Variants in FRRS1 observed in about 807,000 individuals in gnomAD.
FRRS1 encodes ferric chelate reductase 1.
Under a neutral mutation model 70.7 loss-of-function variants are expected in FRRS1, and 51 were observed. That is an observed-to-expected ratio of 0.72 (90% CI 0.58 to 0.91). FRRS1 has a LOEUF of 0.91. Among genes scored for constraint, FRRS1 ranks in the 40% least tolerant of loss-of-function variants. The pLI is 0.00. For missense variants in FRRS1, 672 were observed against 726.0 expected, an observed-to-expected ratio of 0.93 and a Z score of 0.86; for synonymous variants, 225 against 238.7, an observed-to-expected ratio of 0.94 and a Z score of 0.53.
intron 2 of FRRS1, 57 bp downstream of exon 2, chr1:99,748,840 C>A: frequency 9.2e-7 from 1 of 1,086,736 alleles, no homozygotes; most frequent in East Asian, 2.5e-5. Flanking sequence ...ACAACTGGAC[C>A]ATAATTCTAG....
Position 99,738,072 on chromosome 1 carries a change from T to C in FRRS1, c.759+14A>G. 6.3e-7 allele frequency: 1 copy of C among 1,589,840 alleles called. No homozygotes were observed. Among genetic ancestry groups the C allele is most frequent in the South Asian group, 1.1e-5 (1 of 88,298 alleles). Reference sequence around the variant, plus strand: ...CTCCTTTTGTTACCACTTATGTAAGTGAGAGGTACCAACCATCCACTGATC... The same window carrying C: ...CTCCTTTTGTTACCACTTATGTAAGCGAGAGGTACCAACCATCCACTGATC... On this transcript the variant is annotated intron_variant, in intron 7 of 16. Coordinates refer to ENST00000646001, the MANE Select transcript of FRRS1 (RefSeq NM_001361041.2).
At chr1:99,711,229 T>C (rs1190555899) in intron 14 of FRRS1, 1 of 380,444 alleles carries the variant, frequency 2.6e-6, no homozygotes, top group East Asian at 4.8e-5. Flanking sequence ...ATCACCCAAG[T>C]GGTGAACATA....
rs974207950 is a variant in FRRS1, at chr1:99,728,243, A to C, written c.1006+250T>G. Among the ~76,000 whole-genome samples, 5 of 152,028 alleles carry C rather than the reference A, an allele frequency of 3.3e-5. No individual in the cohort carries two copies. In the East Asian group the frequency reaches 9.6e-4, roughly 29 times the overall value. The stretch of plus-strand genomic sequence containing the variant: ...AGGTATTTATAGTTCTTCTGGTCAC[A>C]TGCATTTTACTAATCAGAAGCCATT... On this transcript the variant is annotated intron_variant, in intron 9 of 16. Transcript: ENST00000646001.
chr1:99,741,450 T>A (rs1320402306), intron 5 of FRRS1, among the ~76,000 whole-genome samples: 1 of 152,192 alleles, frequency 6.6e-6, no homozygotes, highest in Non-Finnish European at 1.5e-5. Context: ...ACGCACAAAG[T>A]GAAGAAAACA....
In FRRS1 at chr1:99,737,983, C is replaced by T. The variant is rs182707926; in HGVS notation, c.759+103G>A. The T allele has an allele frequency of 1.3e-5, 12 of 891,184 alleles. No homozygotes were observed. The East Asian group carries it at 2.1e-4, about 16-fold the overall frequency. 55.2% of individuals were successfully genotyped at this position (891,184 alleles called of 1,614,324 possible). On this transcript the variant is annotated intron_variant, in intron 7 of 16. Transcript: ENST00000646001. ...GTCTTGAACTCCCGACCTCGTGATC[C>T]ACCTGCCTCGGCCTCCCAAAGTGCT...
At position 99,707,154 on chromosome 1, in the gene FRRS1, A is replaced by G. The variant is rs191062007; in HGVS notation, c.*1874T>C. ...ATGATAAACACCTATAAAAGGAACA[A>G]AAACTAAACTTCCACATTATTTTAC... On this transcript the variant is annotated 3_prime_UTR_variant, in exon 17 of 17. Transcript: ENST00000646001. 3.9e-5 allele frequency among the ~76,000 whole-genome samples: 6 copies of G among 152,284 alleles called. No homozygotes were observed. The highest frequency in any genetic ancestry group is 7.4e-5 in the Non-Finnish European group (5 of 68,018).
intron 4 of FRRS1, among the ~76,000 whole-genome samples, chr1:99,742,484 T>C (rs1230436982): frequency 6.6e-6 from 1 of 152,048 alleles, no homozygotes; most frequent in East Asian, 1.9e-4. Flanking sequence ...TAAATGAGAG[T>C]CCACAGAAAT....
At chr1:99,718,895 C>T (rs1348135377) in intron 10 of FRRS1, among the ~76,000 whole-genome samples, 2 of 152,068 alleles carry the variant, frequency 1.3e-5, no homozygotes, top group Non-Finnish European at 1.5e-5. Context: ...TAACACTTGA[C>T]CCTGGCTGCA....
In FRRS1 at chr1:99,717,404, A is replaced by T. The variant is rs756761264; in HGVS notation, c.1236+6T>A. The T allele has an allele frequency of 4.0e-5, 64 of 1,595,100 alleles. No individual in the cohort carries two copies. Among genetic ancestry groups the T allele is most frequent in the Non-Finnish European group, 5.4e-5 (63 of 1,162,960 alleles). The stretch of plus-strand genomic sequence containing the variant: ...ATATTGCATTGAACTTTTTTCCCTC[A>T]CCTACCTGAAACCAAGCTGCTTCAC... On this transcript the variant is annotated splice_donor_region_variant and intron_variant, in intron 11 of 16. Transcript: ENST00000646001.
In FRRS1 at chr1:99,738,206, TG is replaced by T; in HGVS notation, c.638del (p.Pro213GlnfsTer19). On this transcript the variant is annotated frameshift_variant, in exon 7 of 17. Coordinates refer to ENST00000646001, the MANE Select transcript of FRRS1 (RefSeq NM_001361041.2). LOFTEE classifies it high-confidence loss of function. ...FCIRSPLNCD[P>X]EKEASCVFLS... ...AGAAGACACAGGAAGCCTCCTTCTC[TG>T]GGTCACAGTTCAAAGGACTCCTAAT... 1 of 1,613,982 alleles carries T rather than the reference TG, an allele frequency of 6.2e-7. No homozygotes were observed. The highest frequency in any genetic ancestry group is 1.6e-4 in the Middle Eastern group (1 of 6,062).
chr1:99,759,558 G>A (rs999483185), intron 1 of FRRS1, among the ~76,000 whole-genome samples: 2 of 152,192 alleles, frequency 1.3e-5, no homozygotes, highest in African/African-American at 4.8e-5. Flanking sequence ...AGTTAGGTAG[G>A]AAGACTTTTA....
At position 99,748,944 on chromosome 1, in the gene FRRS1, C is replaced by A; in HGVS notation, c.-48G>T. ...TGAAGTTTCACCCGAATTTCAATCT[C>A]AGCTCTACAAATTACTGTGAGACTT... On this transcript the variant is annotated 5_prime_UTR_variant, in exon 2 of 17. Transcript: ENST00000646001. 1 of 521,362 alleles carries A rather than the reference C, an allele frequency of 1.9e-6. No individual in the cohort carries two copies. Among genetic ancestry groups the A allele is most frequent in the Non-Finnish European group, 3.4e-6 (1 of 296,942 alleles). The allele number at this position is 521,362 out of a possible 1,614,324, so 32.3% of individuals were successfully genotyped here. A position where few individuals can be genotyped will look rare whatever the true frequency, so the allele number is the denominator to read the frequency against.
intron 9 of FRRS1, among the ~76,000 whole-genome samples, chr1:99,719,980 T>C (rs1308842585): frequency 2.0e-5 from 3 of 152,094 alleles, no homozygotes; most frequent in Non-Finnish European, 2.9e-5. Context: ...TCACAAATCA[T>C]TGAAAATGTT....
chr1:99,755,190 C>T (rs528021841), intron 1 of FRRS1, among the ~76,000 whole-genome samples: 1 of 151,802 alleles, frequency 6.6e-6, no homozygotes, highest in Non-Finnish European at 1.5e-5. Context: ...GAGACTAAAG[C>T]CGGAGAATTA....
intron 12 of FRRS1, 72 bp downstream of exon 12, chr1:99,715,514 T>A: frequency 2.3e-6 from 2 of 878,358 alleles, no homozygotes. Flanking sequence ...ACCCATCATT[T>A]GAAAATAAAA....
At chr1:99,709,152 A>G (rs754773736) in intron 16 of FRRS1, 32 bp from the exon 17 acceptor site, 1 of 1,601,702 alleles carries the variant, frequency 6.2e-7, no homozygotes, top group East Asian at 2.2e-5. Context: ...GAAAAAAAAA[A>G]GTATTACCAT....
chr1:99,721,944 C>T (rs1446123208), intron 9 of FRRS1, among the ~76,000 whole-genome samples: 1 of 151,708 alleles, frequency 6.6e-6, no homozygotes, highest in Non-Finnish European at 1.5e-5. Flanking sequence ...ACATCCAGAC[C>T]GTTATATGGG....
chr1:99,752,399 C>T (rs1470518506), intron 1 of FRRS1, among the ~76,000 whole-genome samples: 2 of 152,146 alleles, frequency 1.3e-5, no homozygotes, highest in African/African-American at 4.8e-5. Flanking sequence ...TTAAATGGCC[C>T]AATTTCAATA....
At chr1:99,738,380 T>G in intron 6 of FRRS1, 112 bp from the exon 7 acceptor site, 8 of 631,324 alleles carry the variant, frequency 1.3e-5, no homozygotes, top group South Asian at 4.8e-5. Flanking sequence ...TTAATGAGAA[T>G]ACCTTTCCAT....
Sources: allele counts gnomAD v4.1 joint callset (sites outside exome capture counted in the v4.1 genomes callset), GRCh38; gene constraint gnomAD v4.1.1; transcripts MANE v1.5; gene names NCBI Gene and HGNC (gene_info 2026-07-23, HGNC 2026-07-21).